The following ZNF808 variants were observed in gnomAD, a reference collection of about 807,000 sequenced individuals.
The protein encoded by ZNF808 is zinc finger protein 808.
Under a neutral mutation model 8.7 loss-of-function variants are expected in ZNF808, and 5 were observed. The ratio of observed to expected loss-of-function variants is 0.58; its 90% CI spans 0.30 to 1.21. The LOEUF (loss-of-function observed/expected upper bound fraction) is 1.21. ZNF808 is among the 50% of genes most tolerant of loss of function. ZNF808 has a pLI of 0.07. For missense variants in ZNF808, 1,103 were observed against 1,098.4 expected (o/e 1.00, Z -0.06); for synonymous variants, 380 against 366.0 (o/e 1.04, Z -0.44).
intron 3 of ZNF808, among the ~76,000 whole-genome samples, chr19:52,546,493 T>G (rs1296284245): frequency 1.3e-5 from 2 of 152,048 alleles, no homozygotes; most frequent in African/African-American, 4.8e-5. Flanking sequence ...CCGATCATGA[T>G]AGTTTTTAGA....
At chr19:52,541,268 C>T (rs1267291207) in intron 2 of ZNF808, among the ~76,000 whole-genome samples, 9 of 150,354 alleles carry the variant, frequency 6.0e-5, no homozygotes, top group African/African-American at 1.7e-4. Context: ...TTTTTTAAAC[C>T]GTTTTTAAAT....
chr19:52,564,820 C>T (rs1316127087), downstream of ZNF808, among the ~76,000 whole-genome samples: 1 of 152,014 alleles, frequency 6.6e-6, no homozygotes, highest in African/African-American at 2.4e-5. Flanking sequence ...GGTGCGATGG[C>T]TCACACCTGT....
At chr19:52,536,087 G>GGTCCCTGGCGCGTCT (rs2059608129) in intron 2 of ZNF808, 1 of 153,648 alleles carries the variant, frequency 6.5e-6, no homozygotes. Context: ...GCGCTTCCCA[G>GGTCCCTGGCGCGTCT]GTCCCTGGCG....
At chr19:52,544,854 G>A (rs1319300440) in intron 3 of ZNF808, among the ~76,000 whole-genome samples, 1 of 152,134 alleles carries the variant, frequency 6.6e-6, no homozygotes, top group Non-Finnish European at 1.5e-5. Context: ...CGGCATCTCA[G>A]CTCACTACAA....
At chr19:52,557,479 G>A (rs570744524), downstream of ZNF808, among the ~76,000 whole-genome samples, 1 of 152,180 alleles carries the variant, frequency 6.6e-6, no homozygotes, top group African/African-American at 2.4e-5. Context: ...TGTGGGCCAA[G>A]CTGGTCTCGA....
downstream of ZNF808, among the ~76,000 whole-genome samples, chr19:52,565,574 T>C (rs1229054047): frequency 6.6e-6 from 1 of 152,148 alleles, no homozygotes; most frequent in African/African-American, 2.4e-5. Flanking sequence ...AACCCATCCC[T>C]CTGCACACCT....
At position 52,553,697 on chromosome 19, in the gene ZNF808, T is replaced by C; in HGVS notation, c.781T>C (p.Cys261Arg). ...CCATTTAGGAGACAAACAATATAAA[T>C]GTGATGTATGTGGCAAGCTCTTTAA... ...IPHLGDKQYK[C>R]DVCGKLFNHK... Residue 261 changes from cysteine (C) to arginine (R), a missense_variant, in exon 5 of 5, where the codon TGT becomes CGT. Transcript: ENST00000359798. 6.2e-7 allele frequency: 1 copy of C among 1,614,116 alleles called. No individual in the cohort carries two copies. The highest frequency in any genetic ancestry group is 8.5e-7 in the Non-Finnish European group (1 of 1,179,980).
At chr19:52,567,453 C>T (rs1163805525), downstream of ZNF808, among the ~76,000 whole-genome samples, 3 of 146,694 alleles carry the variant, frequency 2.0e-5, no homozygotes, top group Non-Finnish European at 4.5e-5. Context: ...CGGAGTCTCG[C>T]TCAGGCTTGA....
rs1409678351 is a variant in ZNF808 at position 52,553,715 on chromosome 19, C to G, written c.799C>G (p.Leu267Val). The G allele has an allele frequency of 1.9e-6, 3 of 1,614,130 alleles. No homozygotes were observed. Among genetic ancestry groups the G allele is most frequent in the Admixed American group, 1.7e-5 (1 of 60,018 alleles). The change falls in exon 5 of 5, where the codon CTC becomes GTC. Residue 267 changes from leucine to valine, a missense_variant. Leu to Val is a conservative substitution (Grantham distance 32). Coordinates refer to ENST00000359798, the MANE Select transcript of ZNF808 (RefSeq NM_001039886.4). ...ATATAAATGTGATGTATGTGGCAAGCTCTTTAATCACAAGCAATACCTTGC... is the reference window on the plus strand; with the variant it reads ...ATATAAATGTGATGTATGTGGCAAGGTCTTTAATCACAAGCAATACCTTGC... ...KQYKCDVCGK[L>V]FNHKQYLACH...
downstream of ZNF808, among the ~76,000 whole-genome samples, chr19:52,559,233 A>G (rs1029302498): frequency 4.6e-5 from 7 of 152,050 alleles, no homozygotes; most frequent in East Asian, 1.9e-4. Context: ...GTAAAGCCCA[A>G]TTGTATATTC....
At chr19:52,546,378 G>T (rs2059720251) in intron 3 of ZNF808, among the ~76,000 whole-genome samples, 1 of 151,904 alleles carries the variant, frequency 6.6e-6, no homozygotes, top group African/African-American at 2.4e-5. Context: ...ACTAGAGAAG[G>T]GGTTTCAGCG....
chr19:52,559,352 A>G (rs1299294104), downstream of ZNF808, among the ~76,000 whole-genome samples: 1 of 152,212 alleles, frequency 6.6e-6, no homozygotes, highest in Non-Finnish European at 1.5e-5. Context: ...CATCAAAAGC[A>G]CAGCACTTTT....
chr19:52,535,183 T>C (rs1043787612), intron 2 of ZNF808, among the ~76,000 whole-genome samples: 2 of 151,182 alleles, frequency 1.3e-5, no homozygotes, highest in Non-Finnish European at 3.0e-5. Context: ...TACAAAAAAT[T>C]AGCCGAGCGT....
At chr19:52,539,690 A>G (rs538653032) in intron 2 of ZNF808, among the ~76,000 whole-genome samples, 2 of 146,906 alleles carry the variant, frequency 1.4e-5, no homozygotes, top group South Asian at 4.4e-4. Context: ...AGTAGTTATG[A>G]TTACAGGCAC....
Position 52,537,561 on chromosome 19 carries a change from A to C in ZNF808, c.-20+4552A>C, listed in dbSNP as rs554474814. ...AAATTAACGGGGCATGATAGTGTGC[A>C]GCTGTAATTTCAGCTACTCTGTAGG... On this transcript the variant is annotated intron_variant, in intron 2 of 4. Transcript: ENST00000359798. Among the ~76,000 whole-genome samples, 5 of 152,254 alleles carry C rather than the reference A, an allele frequency of 3.3e-5. No individual in the cohort carries two copies. The East Asian group carries it at 7.7e-4, about 24-fold the overall frequency.
intron 2 of ZNF808, among the ~76,000 whole-genome samples, chr19:52,534,052 A>G (rs1438942363): frequency 6.6e-6 from 1 of 151,702 alleles, no homozygotes; most frequent in Non-Finnish European, 1.5e-5. Flanking sequence ...GCTGACTGTC[A>G]TGGCTCAAGC....
intron 2 of ZNF808, among the ~76,000 whole-genome samples, chr19:52,538,583 G>C (rs1335977367): frequency 6.7e-6 from 1 of 148,832 alleles, no homozygotes; most frequent in African/African-American, 2.5e-5. Context: ...AGCTGAGATC[G>C]CACCATTGTA....
rs2059815418 is a variant in ZNF808 at position 52,554,626 on chromosome 19, T to C, written c.1710T>C (p.Asn570=). The C allele has an allele frequency of 1.2e-6, 2 of 1,613,924 alleles. No individual in the cohort carries two copies. Among genetic ancestry groups the C allele is most frequent in the Non-Finnish European group, 8.5e-7 (1 of 1,179,914 alleles). Residue 570 remains asparagine (N), a synonymous_variant, in exon 5 of 5, where the codon AAT becomes AAC. Transcript: ENST00000359798. ...CTGCAAAGAAACCTTACAAGTGTAA[T>C]GAATGTGGGAAAGCTTTTAATCAAC... The part of the protein sequence containing the change: ...IHTAKKPYKC[N]ECGKAFNQQS...
intron 4 of ZNF808, among the ~76,000 whole-genome samples, chr19:52,549,650 G>A (rs377417): frequency 0.64 from 97,256 of 151,042 alleles, 32,557 homozygotes; most frequent in African/African-American, 0.83. Flanking sequence ...TCCCACAGAG[G>A]TGCATGCACA....
Sources: gnomAD v4.1 joint callset for allele counts (sites outside exome capture counted in the v4.1 genomes callset) on GRCh38, gnomAD v4.1.1 for gene constraint, MANE v1.5 for transcripts, NCBI Gene and HGNC (gene_info 2026-07-23, HGNC 2026-07-21) for gene names.